SMARCA4: variants seen among roughly 807,000 people sequenced by gnomAD.
SMARCA4 encodes the protein SWI/SNF-related matrix-associated actin-dependent regulator of chromatin subfamily A member 4.
SMARCA4 carries 31 observed loss-of-function variants against 193.9 expected under a neutral mutation model. The ratio of observed to expected loss-of-function variants is 0.16; its 90% confidence interval spans 0.12 to 0.22. SMARCA4 has a LOEUF of 0.22. Ranked by LOEUF, SMARCA4 falls within the 10% of genes least tolerant of loss-of-function variation. The pLI, the probability that SMARCA4 is intolerant of heterozygous loss-of-function variation, is 1.00. For synonymous variants in SMARCA4, 942 were observed against 933.1 expected, an observed-to-expected ratio of 1.01 and a Z score of -0.17; for missense variants, 1,148 against 2,296.0, an observed-to-expected ratio of 0.50 and a Z score of 10.22.
chr19:11,046,187 C>T (rs948582259), intron 30 of SMARCA4, among the ~76,000 whole-genome samples: 2 of 151,044 alleles, frequency 1.3e-5, no homozygotes, highest in Non-Finnish European at 2.9e-5. Context: ...TGTGCCACTG[C>T]ACTCCAGCCT....
At chr19:10,963,370 C>CAAAAA (rs755616481) in intron 1 of SMARCA4, among the ~76,000 whole-genome samples, 5 of 53,100 alleles carry the variant, frequency 9.4e-5, no homozygotes, top group Non-Finnish European at 1.1e-4. Context: ...AAGACTGTCT[C>CAAAAA]AAAAAAAAAA....
intron 1 of SMARCA4, among the ~76,000 whole-genome samples, chr19:10,970,239 C>T (rs943303859): frequency 3.3e-5 from 5 of 152,038 alleles, no homozygotes; most frequent in Non-Finnish European, 7.4e-5. Flanking sequence ...GACCCCGAGT[C>T]GTATCCGTTA....
intron 15 of SMARCA4, chr19:11,010,773 A>G: frequency 1.8e-6 from 1 of 547,764 alleles, no homozygotes; most frequent in Non-Finnish European, 3.4e-6. Context: ...CCGATGTGCC[A>G]GGCAGAGTGG....
chr19:10,987,463 G>A lies in SMARCA4; in HGVS notation c.860-203G>A, dbSNP rs2086156613. 6.6e-6 allele frequency among the ~76,000 whole-genome samples: 1 copy of A among 152,188 alleles called. No individual in the cohort carries two copies. Among genetic ancestry groups the A allele is most frequent in the Non-Finnish European group, 1.5e-5 (1 of 68,030 alleles). On this transcript the variant is annotated intron_variant, in intron 5 of 34. Coordinates refer to ENST00000344626, the MANE Select transcript of SMARCA4 (RefSeq NM_003072.5). This position sits in a 1 kb window ranked among gnomAD's most constrained non-coding sequence, Gnocchi z 5.3. ...GGAGCCTGGGGCTGGCCCCAGTGGA[G>A]GGTGTGAAGGACGAGGGTGAGGCTG...
chr19:11,061,205 ATATATATATATATATATAT>A (rs1347948044), intron 34 of SMARCA4, among the ~76,000 whole-genome samples: 3 of 38,530 alleles, frequency 7.8e-5, no homozygotes, highest in African/African-American at 4.8e-4. Flanking sequence ...AAAAAAAAAA[ATATATATATATATATATAT>A]ATATATATAT....
In SMARCA4 at chr19:11,062,151, T is replaced by C. The variant is rs760797590; in HGVS notation, c.*335T>C. On this transcript the variant is annotated 3_prime_UTR_variant, in exon 35 of 35. Transcript: ENST00000344626. Reference sequence around the variant, plus strand: ...GTCACTGTAGTTAAGTGTGGATGCATGTGCGTCACCGTCCACTCCTCCTAC... The same window carrying C: ...GTCACTGTAGTTAAGTGTGGATGCACGTGCGTCACCGTCCACTCCTCCTAC... 1 of 450,314 alleles carries C rather than the reference T, an allele frequency of 2.2e-6. No individual in the cohort carries two copies. The highest frequency in any genetic ancestry group is 4.1e-6 in the Non-Finnish European group (1 of 243,788). 27.9% of individuals were successfully genotyped at this position (450,314 alleles called of 1,614,324 possible).
At chr19:10,995,284 C>T (rs886354004) in intron 9 of SMARCA4, 1 of 592,510 alleles carries the variant, frequency 1.7e-6, no homozygotes, top group Non-Finnish European at 3.2e-6. Flanking sequence ...TCTGTGAGAG[C>T]CAGGTGGTGT....
chr19:11,044,618 C>T (rs544052215), intron 30 of SMARCA4, among the ~76,000 whole-genome samples: 70 of 152,302 alleles, frequency 4.6e-4, no homozygotes, highest in African/African-American at 1.3e-3. Flanking sequence ...CCAGAACGGC[C>T]GAATGCCCAT....
intron 1 of SMARCA4, among the ~76,000 whole-genome samples, chr19:10,967,808 C>G (rs1368661162): frequency 3.3e-5 from 5 of 151,734 alleles, no homozygotes; most frequent in Admixed American, 3.3e-4. Flanking sequence ...CCTCAGCCTC[C>G]TGAGTAGCTG....
intron 14 of SMARCA4, among the ~76,000 whole-genome samples, chr19:11,009,214 G>T (rs2088571893): frequency 6.6e-6 from 1 of 151,414 alleles, no homozygotes; most frequent in Admixed American, 6.6e-5. Flanking sequence ...TAGAGATGGG[G>T]TTTCACCATG....
intron 30 of SMARCA4, among the ~76,000 whole-genome samples, chr19:11,057,977 CTG>C (rs2076637592): frequency 6.6e-6 from 1 of 151,680 alleles, no homozygotes; most frequent in Admixed American, 6.6e-5. Context: ...TGGTGCACGA[CTG>C]TAAAAAATCC....
intron 1 of SMARCA4, among the ~76,000 whole-genome samples, chr19:10,966,250 C>G (rs1249804401): frequency 6.6e-6 from 1 of 152,058 alleles, no homozygotes; most frequent in Admixed American, 6.6e-5. Flanking sequence ...TCCCAAAGTG[C>G]TGGGATTACA....
chr19:11,007,766 G>A (rs1008649454), intron 13 of SMARCA4, 136 bp from the exon 14 acceptor site: 2 of 778,632 alleles, frequency 2.6e-6, no homozygotes, highest in Non-Finnish European at 4.4e-6. Flanking sequence ...ATAATAAACA[G>A]CACACATTCC....
At chr19:11,025,803 C>T (rs945431354) in intron 22 of SMARCA4, among the ~76,000 whole-genome samples, 5 of 152,204 alleles carry the variant, frequency 3.3e-5, no homozygotes, top group African/African-American at 1.2e-4. Context: ...CCTGCTGCGT[C>T]TCTTTGGCTC....
intron 22 of SMARCA4, among the ~76,000 whole-genome samples, chr19:11,025,867 G>A (rs2090218372): frequency 6.6e-6 from 1 of 152,238 alleles, no homozygotes; most frequent in South Asian, 2.1e-4. Flanking sequence ...CTTCAGTGAA[G>A]TGTGGGGGAG....
chr19:11,029,687 T>C (rs2090507327), intron 24 of SMARCA4, among the ~76,000 whole-genome samples: 1 of 152,210 alleles, frequency 6.6e-6, no homozygotes, highest in Admixed American at 6.5e-5. Context: ...TTCTTCTTTT[T>C]TTTGAGACGG....
intron 16 of SMARCA4, among the ~76,000 whole-genome samples, chr19:11,013,471 C>T (rs988955017): frequency 6.6e-5 from 10 of 152,152 alleles, no homozygotes; most frequent in Admixed American, 2.6e-4. Context: ...TCTCCAGGTA[C>T]AGTCGCATCC....
intron 30 of SMARCA4, among the ~76,000 whole-genome samples, chr19:11,050,831 G>A (rs756179261): frequency 2.6e-5 from 4 of 152,246 alleles, no homozygotes; most frequent in Non-Finnish European, 5.9e-5. Context: ...GGGCAGGAGT[G>A]GGAGCCATTC....
In SMARCA4 at chr19:11,039,472, A is replaced by G; in HGVS notation, c.4171-1835A>G. ...TTTTGTTGTAGAAAATTACAGGAAA[A>G]GATATCCATGACACAGCCAGCAGTG... is the stretch of plus-strand genomic sequence containing the variant. On this transcript the variant is annotated intron_variant, in intron 29 of 34. Transcript: ENST00000344626. The G allele has an allele frequency of 1.3e-6, 2 of 1,597,496 alleles. No homozygotes were observed.
Sources: allele counts gnomAD v4.1 joint callset (sites outside exome capture counted in the v4.1 genomes callset), GRCh38; gene constraint gnomAD v4.1.1; non-coding constraint Gnocchi (gnomAD v3.1); transcripts MANE v1.5; gene names NCBI Gene and HGNC (gene_info 2026-07-23, HGNC 2026-07-21).